Variants in HDAC9 observed in about 807,000 individuals in gnomAD.
HDAC9 encodes histone deacetylase 9, also known as MEF-2 interacting transcription repressor (MITR) protein.
A neutral mutation model predicts 139.4 loss-of-function variants in HDAC9; 41 were observed. The ratio of observed to expected loss-of-function variants is 0.29; its 90% CI spans 0.23 to 0.38. The LOEUF is 0.38. HDAC9 is among the 10% of genes least tolerant of loss of function. The probability of loss-of-function intolerance (pLI) is 1.00; values close to 1 mark genes in which losing one functional copy is unlikely to be tolerated. For missense variants in HDAC9, 1,147 were observed against 1,297.0 expected (o/e 0.88, Z 1.78); for synonymous variants, 517 against 476.2 (o/e 1.09, Z -1.12).
intron 2 of HDAC9, among the ~76,000 whole-genome samples, chr7:18,516,496 C>T (rs576435355): frequency 2.0e-5 from 3 of 152,258 alleles, no homozygotes; most frequent in East Asian, 1.9e-4. Context: ...ACAACTCAAC[C>T]TTCCTCTCAC....
intron 22 of HDAC9, among the ~76,000 whole-genome samples, chr7:18,874,811 A>G (rs901796375): frequency 6.6e-6 from 1 of 152,158 alleles, no homozygotes; most frequent in Admixed American, 6.6e-5. Flanking sequence ...GGTGGACATG[A>G]CAGCACATTT....
chr7:18,407,703 T>G (rs1230008305), intron 1 of HDAC9, among the ~76,000 whole-genome samples: 1 of 152,184 alleles, frequency 6.6e-6, no homozygotes, highest in Non-Finnish European at 1.5e-5. Flanking sequence ...CACCATTCGA[T>G]AGAACAATAG....
At chr7:18,667,299 A>G (rs1795113012) in intron 12 of HDAC9, 1 of 984,552 alleles carries the variant, frequency 1.0e-6, no homozygotes, top group Non-Finnish European at 1.2e-6. Flanking sequence ...TATTGTGTCT[A>G]CAATTGCAAA....
chr7:18,428,256 A>G (rs951640890), intron 1 of HDAC9, among the ~76,000 whole-genome samples: 1 of 152,182 alleles, frequency 6.6e-6, no homozygotes, highest in Non-Finnish European at 1.5e-5. Flanking sequence ...CAGTTGCACC[A>G]TTTTGTATTT....
intron 1 of HDAC9, among the ~76,000 whole-genome samples, chr7:18,102,547 A>G (rs1782919037): frequency 6.6e-6 from 1 of 152,210 alleles, no homozygotes; most frequent in African/African-American, 2.4e-5. Flanking sequence ...TTGAACCAAA[A>G]TATAAATAAT....
intron 2 of HDAC9, among the ~76,000 whole-genome samples, chr7:18,528,253 A>T (rs933818849): frequency 1.4e-5 from 2 of 147,070 alleles, no homozygotes; most frequent in African/African-American, 4.9e-5. Context: ...TCCATGAAGT[A>T]TTTTTTTTTT....
intron 22 of HDAC9, among the ~76,000 whole-genome samples, chr7:18,933,395 A>G (rs2389995): frequency 0.061 from 9,259 of 152,100 alleles, 622 homozygotes; most frequent in East Asian, 0.21. Flanking sequence ...CTTAGAAGGC[A>G]ACAAGAGAGC....
At chr7:18,174,245 A>G (rs1033495922) in intron 2 of HDAC9, among the ~76,000 whole-genome samples, 1 of 152,142 alleles carries the variant, frequency 6.6e-6, no homozygotes, top group African/African-American at 2.4e-5. Flanking sequence ...CGAATCGGCT[A>G]TTGAAGCTTG....
intron 22 of HDAC9, among the ~76,000 whole-genome samples, chr7:18,928,556 T>A (rs905155918): frequency 6.6e-6 from 1 of 152,172 alleles, no homozygotes; most frequent in Non-Finnish European, 1.5e-5. Context: ...TGCTATCTTG[T>A]ATATTAAACT....
chr7:18,412,715 A>G (rs1053708074), intron 1 of HDAC9, among the ~76,000 whole-genome samples: 2 of 152,226 alleles, frequency 1.3e-5, no homozygotes, highest in East Asian at 1.9e-4. Context: ...AATAAAAAGT[A>G]TATGCCACAT....
chr7:18,801,779 T>G (rs1793311488), intron 17 of HDAC9, among the ~76,000 whole-genome samples: 2 of 152,116 alleles, frequency 1.3e-5, no homozygotes, highest in Non-Finnish European at 2.9e-5. Context: ...AATTTGTATT[T>G]CTTTTTGAGT....
chr7:18,371,498 A>G (rs1440241481), intron 1 of HDAC9, among the ~76,000 whole-genome samples: 4 of 152,146 alleles, frequency 2.6e-5, no homozygotes, highest in Admixed American at 2.6e-4. Flanking sequence ...AAGATAGTCT[A>G]TTTTGGTATC....
intron 16 of HDAC9, among the ~76,000 whole-genome samples, chr7:18,786,498 C>CTTCCTTCA (rs1562940524): frequency 5.7e-5 from 6 of 105,916 alleles, no homozygotes; most frequent in African/African-American, 1.7e-4. Flanking sequence ...TCCTTCCTTC[C>CTTCCTTCA]TTCCTTCCTC....
chr7:18,949,287 G>C, intron 23 of HDAC9: 1 of 202,212 alleles, frequency 4.9e-6, no homozygotes, highest in Non-Finnish European at 1.0e-5. Context: ...TTAGCAGCAA[G>C]TTTTTACTTT....
intron 1 of HDAC9, among the ~76,000 whole-genome samples, chr7:18,416,546 T>A (rs1179966940): frequency 6.6e-6 from 1 of 152,110 alleles, no homozygotes; most frequent in African/African-American, 2.4e-5. Flanking sequence ...ATTTTCTCTG[T>A]GGGAAGGTGT....
At chr7:18,207,186 G>T (rs1791584616) in intron 2 of HDAC9, among the ~76,000 whole-genome samples, 1 of 151,984 alleles carries the variant, frequency 6.6e-6, no homozygotes, top group South Asian at 2.1e-4. Flanking sequence ...CAATCTGCCT[G>T]CCTTGGCCTC....
intron 1 of HDAC9, among the ~76,000 whole-genome samples, chr7:18,340,055 A>G (rs139445505): frequency 1.0e-3 from 158 of 151,532 alleles, no homozygotes; most frequent in African/African-American, 3.6e-3. Flanking sequence ...TTTTTGCTTC[A>G]TGTGTTTGGA....
intron 2 of HDAC9, among the ~76,000 whole-genome samples, chr7:18,562,950 A>G (rs1166969261): frequency 6.6e-6 from 1 of 152,136 alleles, no homozygotes; most frequent in Non-Finnish European, 1.5e-5. Flanking sequence ...TTCGATGTAC[A>G]AGGTTTGCAC....
intron 25 of HDAC9, among the ~76,000 whole-genome samples, chr7:18,992,856 CG>C (rs2129351999): frequency 6.6e-6 from 1 of 152,232 alleles, no homozygotes; most frequent in African/African-American, 2.4e-5. Flanking sequence ...TCTTTCAATT[CG>C]TTAAACCATT....
Sources: gnomAD v4.1 joint callset for allele counts (sites outside exome capture counted in the v4.1 genomes callset) on GRCh38, gnomAD v4.1.1 for gene constraint, MANE v1.5 for transcripts, NCBI Gene and HGNC (gene_info 2026-07-23, HGNC 2026-07-21) for gene names.